EIF4EBP2: variants seen among roughly 807,000 people sequenced by gnomAD.
EIF4EBP2 encodes eukaryotic translation initiation factor 4E binding protein 2.
EIF4EBP2 carries 5 observed loss-of-function variants against 10.3 expected under a neutral mutation model. The ratio of observed to expected loss-of-function variants is 0.48; its 90% CI spans 0.25 to 1.02. The LOEUF (loss-of-function observed/expected upper bound fraction) is 1.02. Ranked by LOEUF, EIF4EBP2 falls within the 50% of genes least tolerant of loss-of-function variation. The pLI is 0.15. For missense variants in EIF4EBP2, 188 were observed against 162.2 expected, an observed-to-expected ratio of 1.16 and a Z score of -0.86; for synonymous variants, 67 against 61.1, an observed-to-expected ratio of 1.10 and a Z score of -0.45.
intron 2 of EIF4EBP2, among the ~76,000 whole-genome samples, chr10:70,420,366 A>G (rs1007847836): frequency 1.3e-5 from 2 of 151,452 alleles, no homozygotes; most frequent in Middle Eastern, 3.4e-3. Flanking sequence ...CGCCTGGCAA[A>G]TTTTTGTATT....
At chr10:70,409,012 A>T (rs779754041) in intron 1 of EIF4EBP2, among the ~76,000 whole-genome samples, 12 of 152,198 alleles carry the variant, frequency 7.9e-5, no homozygotes, top group Non-Finnish European at 1.6e-4. Context: ...CAGTTGATGG[A>T]CCGAATGCCC....
chr10:70,419,679 G>A (rs1304190163), intron 1 of EIF4EBP2, among the ~76,000 whole-genome samples: 1 of 152,018 alleles, frequency 6.6e-6, no homozygotes, highest in Non-Finnish European at 1.5e-5. Context: ...AGGAAGTGAT[G>A]GTTGGAGCTG....
At chr10:70,405,874 A>G (rs951471616) in intron 1 of EIF4EBP2, among the ~76,000 whole-genome samples, 1 of 152,166 alleles carries the variant, frequency 6.6e-6, no homozygotes, top group Non-Finnish European at 1.5e-5. Flanking sequence ...GTTCAGTAAT[A>G]TATATGGAGA....
intron 1 of EIF4EBP2, among the ~76,000 whole-genome samples, chr10:70,408,694 G>A (rs961629670): frequency 6.6e-6 from 1 of 152,144 alleles, no homozygotes; most frequent in Non-Finnish European, 1.5e-5. Flanking sequence ...AGTAAATTTT[G>A]TGTGCCCAGG....
In EIF4EBP2 at chr10:70,404,457, C is replaced by G. The variant is rs574235887; in HGVS notation, c.56C>G (p.Thr19Ser). The stretch of plus-strand genomic sequence containing the variant: ...CCCAGCCAGAGCCGCGCCATCCCCA[C>G]CCGCACCGTGGCCATCAGCGACGCC... ...HQPSQSRAIP[T>S]RTVAISDAAQ... The change falls in exon 1 of 3, where the codon ACC becomes AGC. Residue 19 changes from threonine to serine, a missense_variant. Transcript: ENST00000373218. 1.3e-6 allele frequency: 2 copies of G among 1,598,744 alleles called. No homozygotes were observed. The highest frequency in any genetic ancestry group is 4.6e-5 in the East Asian group (2 of 43,298).
intron 1 of EIF4EBP2, among the ~76,000 whole-genome samples, chr10:70,405,029 A>C (rs1238958628): frequency 6.6e-6 from 1 of 152,184 alleles, no homozygotes; most frequent in Admixed American, 6.5e-5. Flanking sequence ...GAACACCGGG[A>C]GGAGGCTGGA....
intron 1 of EIF4EBP2, among the ~76,000 whole-genome samples, chr10:70,410,083 C>A (rs1311681981): frequency 1.3e-5 from 2 of 151,286 alleles, no homozygotes; most frequent in African/African-American, 4.9e-5. Context: ...TTCTTTCTTT[C>A]TTTGAGACAG....
intron 1 of EIF4EBP2, among the ~76,000 whole-genome samples, chr10:70,418,643 T>C (rs1478382094): frequency 6.6e-6 from 1 of 152,208 alleles, no homozygotes; most frequent in Non-Finnish European, 1.5e-5. Flanking sequence ...TAGAAGTATT[T>C]TCATTCAAGA....
At chr10:70,407,158 G>C (rs1452937327) in intron 1 of EIF4EBP2, among the ~76,000 whole-genome samples, 1 of 146,620 alleles carries the variant, frequency 6.8e-6, no homozygotes, top group Non-Finnish European at 1.5e-5. Flanking sequence ...GGTGTTTCTC[G>C]CAGAGGGGGA....
chr10:70,407,023 G>T (rs376101257), intron 1 of EIF4EBP2, among the ~76,000 whole-genome samples: 3 of 152,024 alleles, frequency 2.0e-5, no homozygotes, highest in African/African-American at 7.3e-5. Context: ...TCAGCCTCCC[G>T]AGTAGCTGGG....
At chr10:70,407,393 T>TG (rs1844979008) in intron 1 of EIF4EBP2, among the ~76,000 whole-genome samples, 1 of 151,952 alleles carries the variant, frequency 6.6e-6, no homozygotes, top group South Asian at 2.1e-4. Flanking sequence ...CAACCCTGAG[T>TG]GGACACAGCA....
At chr10:70,420,272 A>G (rs926584188) in intron 2 of EIF4EBP2, among the ~76,000 whole-genome samples, 173 bp downstream of exon 2, 9 of 151,994 alleles carry the variant, frequency 5.9e-5, no homozygotes, top group African/African-American at 2.2e-4. Flanking sequence ...CAATCTCAGC[A>G]CACTGCAACC....
Position 70,421,752 on chromosome 10 carries a change from C to T in EIF4EBP2, c.*5C>T, listed in dbSNP as rs748615643. 6 of 1,612,672 alleles carry T rather than the reference C, an allele frequency of 3.7e-6. No individual in the cohort carries two copies. Among genetic ancestry groups the T allele is most frequent in the East Asian group, 4.5e-5 (2 of 44,888 alleles). On this transcript the variant is annotated 3_prime_UTR_variant, in exon 3 of 3. Coordinates refer to ENST00000373218, the MANE Select transcript of EIF4EBP2 (RefSeq NM_004096.5). ...CAGTTCGAGATGGACATCTGACTCT[C>T]CTGCAAGGATTAGAAGAAAAGCAGC...
chr10:70,420,142 G>C (rs1237664945), intron 2 of EIF4EBP2, 43 bp downstream of exon 2: 1 of 1,510,714 alleles, frequency 6.6e-7, no homozygotes, highest in South Asian at 1.3e-5. Context: ...GTGGCTCTTG[G>C]AATTTGAATG....
intron 1 of EIF4EBP2, among the ~76,000 whole-genome samples, chr10:70,413,609 C>CAAAAAAA (rs57681671): frequency 1.2e-4 from 12 of 97,352 alleles, no homozygotes; most frequent in Non-Finnish European, 1.8e-4. Flanking sequence ...CCCTGACTCT[C>CAAAAAAA]AAAAAAAAAA....
At chr10:70,409,779 T>C (rs1845023366) in intron 1 of EIF4EBP2, among the ~76,000 whole-genome samples, 1 of 152,230 alleles carries the variant, frequency 6.6e-6, no homozygotes, top group Non-Finnish European at 1.5e-5. Flanking sequence ...CCTTTCTCTT[T>C]GCCTTTCTTT....
intron 1 of EIF4EBP2, among the ~76,000 whole-genome samples, chr10:70,418,340 T>C (rs1845118988): frequency 6.6e-6 from 1 of 152,226 alleles, no homozygotes; most frequent in South Asian, 2.1e-4. Flanking sequence ...TTGTGCAGTC[T>C]GTGGTATTTT....
intron 1 of EIF4EBP2, among the ~76,000 whole-genome samples, chr10:70,405,219 G>A (rs1360905315): frequency 6.6e-6 from 1 of 152,192 alleles, no homozygotes; most frequent in East Asian, 1.9e-4. Context: ...CAGCCTTAAG[G>A]TAGGGTGTCT....
rs893955882 is a variant in EIF4EBP2, at chr10:70,427,971, T to TG, written c.*6224_*6225insG. Reference sequence around the variant, plus strand: ...TCTCCAGCTTAATCTTTTTTTTTTTTTTTTTTTTAAAGCCCAGGCCAAGGG... The same window carrying TG: ...TCTCCAGCTTAATCTTTTTTTTTTTTGTTTTTTTTAAAGCCCAGGCCAAGGG... On this transcript the variant is annotated 3_prime_UTR_variant, in exon 3 of 3. Coordinates refer to ENST00000373218, the MANE Select transcript of EIF4EBP2 (RefSeq NM_004096.5). 4.6e-5 allele frequency: 7 copies of TG among 151,892 alleles called. No individual in the cohort carries two copies. The highest frequency in any genetic ancestry group is 8.8e-5 in the Non-Finnish European group (6 of 67,938). 9.4% of individuals were successfully genotyped at this position (151,892 alleles called of 1,614,324 possible).
Sources: gnomAD v4.1 joint callset for allele counts (sites outside exome capture counted in the v4.1 genomes callset) on GRCh38, gnomAD v4.1.1 for gene constraint, MANE v1.5 for transcripts, NCBI Gene and HGNC (gene_info 2026-07-23, HGNC 2026-07-21) for gene names.